The following IKZF1 variants were observed in gnomAD, a reference collection of about 807,000 sequenced individuals.
IKZF1 encodes the protein DNA-binding protein Ikaros.
In IKZF1, 10 loss-of-function variants were observed where a neutral mutation model predicts 51.7. The observed-to-expected ratio is 0.19, with a 90% CI of 0.12 to 0.33. The LOEUF (loss-of-function observed/expected upper bound fraction) is 0.33. Among genes scored for constraint, IKZF1 ranks in the 10% least tolerant of loss-of-function variants. IKZF1 has a pLI of 1.00. For synonymous variants in IKZF1, 280 were observed against 282.3 expected (o/e 0.99, Z 0.08); for missense variants, 484 against 707.5 (o/e 0.68, Z 3.58).
At chr7:50,361,749 G>T (rs917957285) in intron 3 of IKZF1, among the ~76,000 whole-genome samples, 1 of 152,050 alleles carries the variant, frequency 6.6e-6, no homozygotes, top group Non-Finnish European at 1.5e-5. Flanking sequence ...GGTGGTGCGC[G>T]CCTGTAGTCC....
intron 7 of IKZF1, among the ~76,000 whole-genome samples, chr7:50,393,381 G>T (rs1361062123): frequency 6.6e-6 from 1 of 152,164 alleles, no homozygotes; most frequent in South Asian, 2.1e-4. Flanking sequence ...CAGAACAGGG[G>T]CTGGTGAGGC....
intron 1 of IKZF1, among the ~76,000 whole-genome samples, chr7:50,316,441 G>A (rs1791551204): frequency 1.3e-5 from 2 of 152,224 alleles, no homozygotes; most frequent in African/African-American, 4.8e-5. Flanking sequence ...AGGGCATGGA[G>A]TGGAAATGTC....
intron 5 of IKZF1, 40 bp downstream of exon 5, chr7:50,382,747 C>G: frequency 6.4e-7 from 1 of 1,572,076 alleles, no homozygotes; most frequent in African/African-American, 1.3e-5. Flanking sequence ...TCTGGGTGTC[C>G]CGGGATTCCT....
At chr7:50,313,558 G>A (rs1385951320) in intron 1 of IKZF1, among the ~76,000 whole-genome samples, 1 of 152,186 alleles carries the variant, frequency 6.6e-6, no homozygotes, top group Non-Finnish European at 1.5e-5. Context: ...TGCGACCCCT[G>A]CACTGGGCTG....
intron 3 of IKZF1, among the ~76,000 whole-genome samples, chr7:50,352,015 G>T (rs1220152332): frequency 6.6e-6 from 1 of 152,242 alleles, no homozygotes; most frequent in Non-Finnish European, 1.5e-5. Flanking sequence ...CCCTTAAGCA[G>T]AGAAGATTGT....
chr7:50,387,281 C>A (rs2153487747), intron 5 of IKZF1, 64 bp from the exon 6 acceptor site: 1 of 1,542,610 alleles, frequency 6.5e-7, no homozygotes, highest in African/African-American at 1.4e-5. Flanking sequence ...GTATTGCATG[C>A]ATTCCCCTTA....
intron 6 of IKZF1, among the ~76,000 whole-genome samples, chr7:50,387,948 A>G (rs1217371645): frequency 2.0e-5 from 3 of 152,176 alleles, no homozygotes; most frequent in Non-Finnish European, 4.4e-5. Context: ...CCACTCCTGC[A>G]TGGAGTGTGA....
At position 50,320,221 on chromosome 7, in the gene IKZF1, A is replaced by G. The variant is rs1271359289; in HGVS notation, c.40+1120A>G. On this transcript the variant is annotated intron_variant, in intron 2 of 7. Transcript: ENST00000331340. ...ATTCTCACATTTATATCTTAAATAT[A>G]ATTCTCATGAATGAGAATTATATAA... Among the ~76,000 whole-genome samples, 3 of 152,208 alleles carry G rather than the reference A, an allele frequency of 2.0e-5. No individual in the cohort carries two copies. The East Asian group carries it at 5.8e-4, about 29-fold the overall frequency.
intron 1 of IKZF1, among the ~76,000 whole-genome samples, chr7:50,318,128 A>C (rs1487961288): frequency 6.7e-6 from 1 of 148,406 alleles, no homozygotes; most frequent in African/African-American, 2.5e-5. Flanking sequence ...GGGGCACCTG[A>C]GACTGCCGAG....
Position 50,350,451 on chromosome 7 carries a change from C to T in IKZF1, c.160+22694C>T, listed in dbSNP as rs1801568961. 2.0e-5 allele frequency among the ~76,000 whole-genome samples: 3 copies of T among 152,180 alleles called. No homozygotes were observed. The South Asian group carries it at 6.2e-4, about 32-fold the overall frequency. On this transcript the variant is annotated intron_variant, in intron 3 of 7. Coordinates refer to ENST00000331340, the MANE Select transcript of IKZF1 (RefSeq NM_006060.6). ...GAACTGAACAGGTAGCATTTCTGAA[C>T]CCACCCATAACCCATGCCCTCCCCA...
At chr7:50,319,507 C>T (rs1182148535) in intron 2 of IKZF1, among the ~76,000 whole-genome samples, 1 of 152,176 alleles carries the variant, frequency 6.6e-6, no homozygotes, top group African/African-American at 2.4e-5. Flanking sequence ...ATGGACACAA[C>T]ATTGCTCCCC....
chr7:50,393,488 G>A (rs1204954002), intron 7 of IKZF1, among the ~76,000 whole-genome samples: 1 of 152,176 alleles, frequency 6.6e-6, no homozygotes, highest in Non-Finnish European at 1.5e-5. Flanking sequence ...CCCTCTTGCA[G>A]CTTCAAATAG....
chr7:50,314,865 G>A (rs1791110912), intron 1 of IKZF1, among the ~76,000 whole-genome samples: 1 of 152,222 alleles, frequency 6.6e-6, no homozygotes. Flanking sequence ...AGCAGCAACT[G>A]CCCAGGGCTG....
chr7:50,394,797 A>ATT (rs1816225392), intron 7 of IKZF1, among the ~76,000 whole-genome samples: 1 of 152,226 alleles, frequency 6.6e-6, no homozygotes, highest in Non-Finnish European at 1.5e-5. Flanking sequence ...TTGTTTTGCC[A>ATT]GCAACATTCC....
intron 2 of IKZF1, among the ~76,000 whole-genome samples, chr7:50,325,001 T>C (rs1293225207): frequency 1.3e-5 from 2 of 151,984 alleles, no homozygotes; most frequent in African/African-American, 4.8e-5. Context: ...CTCCACCCCA[T>C]AATAATGACA....
At chr7:50,381,568 A>T (rs1025250957) in intron 4 of IKZF1, among the ~76,000 whole-genome samples, 6 of 152,248 alleles carry the variant, frequency 3.9e-5, no homozygotes, top group Non-Finnish European at 5.9e-5. Context: ...CAGCTCCAGA[A>T]TGGAGACACA....
intron 4 of IKZF1, among the ~76,000 whole-genome samples, chr7:50,381,887 T>C (rs986008481): frequency 2.8e-4 from 43 of 152,346 alleles, no homozygotes; most frequent in African/African-American, 9.9e-4. Context: ...TTATTCAATC[T>C]TTCTCCATCT....
intron 7 of IKZF1, among the ~76,000 whole-genome samples, chr7:50,394,924 T>G (rs995746230): frequency 1.4e-4 from 21 of 152,216 alleles, no homozygotes; most frequent in Non-Finnish European, 2.1e-4. Flanking sequence ...ATTGTTGTTT[T>G]TAGTCTGTCT....
chr7:50,315,486 C>T (rs1791315418), intron 1 of IKZF1, among the ~76,000 whole-genome samples: 1 of 152,130 alleles, frequency 6.6e-6, no homozygotes, highest in African/African-American at 2.4e-5. Context: ...CATCTATTTC[C>T]CCTTGTGCAA....
Sources: gnomAD v4.1 joint callset for allele counts (sites outside exome capture counted in the v4.1 genomes callset) on GRCh38, gnomAD v4.1.1 for gene constraint, MANE v1.5 for transcripts, NCBI Gene and HGNC (gene_info 2026-07-23, HGNC 2026-07-21) for gene names.